Variants in HTR2A observed in about 807,000 individuals in gnomAD.
HTR2A encodes the protein 5-hydroxytryptamine receptor 2A.
In HTR2A, 14 loss-of-function variants were observed where a neutral mutation model predicts 31.0. The observed-to-expected ratio is 0.45, with a 90% CI of 0.30 to 0.71. HTR2A has a LOEUF of 0.71. HTR2A is among the 30% of genes least tolerant of loss of function. The pLI is 0.09. For missense variants in HTR2A, 442 were observed against 573.3 expected (o/e 0.77, Z 2.34); for synonymous variants, 209 against 225.2 (o/e 0.93, Z 0.64).
intron 3 of HTR2A, among the ~76,000 whole-genome samples, chr13:46,864,343 T>G (rs1409869720): frequency 6.6e-6 from 1 of 152,110 alleles, no homozygotes; most frequent in Non-Finnish European, 1.5e-5. Context: ...TACAACAAAC[T>G]TGTGCCATGA....
At chr13:46,850,325 C>A (rs2138198429) in intron 3 of HTR2A, among the ~76,000 whole-genome samples, 2 of 152,294 alleles carry the variant, frequency 1.3e-5, no homozygotes, top group Admixed American at 1.3e-4. Context: ...ATCCTAAGTG[C>A]TTTATACAGA....
chr13:46,842,049 G>A (rs149100200), intron 3 of HTR2A, among the ~76,000 whole-genome samples: 36 of 152,134 alleles, frequency 2.4e-4, no homozygotes, highest in African/African-American at 7.5e-4. Context: ...TGTAGGCATC[G>A]ACCAAAATAT....
At chr13:46,836,518 C>T (rs1055943533) in intron 3 of HTR2A, among the ~76,000 whole-genome samples, 3 of 152,046 alleles carry the variant, frequency 2.0e-5, no homozygotes, top group African/African-American at 7.2e-5. Flanking sequence ...TTGAGAAATA[C>T]AATTTTCTAA....
intron 3 of HTR2A, among the ~76,000 whole-genome samples, chr13:46,840,118 T>C (rs756965074): frequency 9.2e-5 from 14 of 152,178 alleles, no homozygotes; most frequent in Non-Finnish European, 1.8e-4. Flanking sequence ...TTCCCCAAAC[T>C]GCTACCTTTT....
intron 3 of HTR2A, among the ~76,000 whole-genome samples, chr13:46,837,977 T>C (rs1200003780): frequency 6.6e-6 from 1 of 152,230 alleles, no homozygotes; most frequent in East Asian, 1.9e-4. Flanking sequence ...CATCCCTCTC[T>C]GTTCCTGGCC....
chr13:46,855,447 C>T (rs1396542300), intron 3 of HTR2A, among the ~76,000 whole-genome samples: 1 of 152,150 alleles, frequency 6.6e-6, no homozygotes. Context: ...AAATCAATCT[C>T]ACTGGGTAGC....
chr13:46,860,473 C>T (rs1171329074), intron 3 of HTR2A, among the ~76,000 whole-genome samples: 1 of 152,088 alleles, frequency 6.6e-6, no homozygotes, highest in Non-Finnish European at 1.5e-5. Context: ...GGGAGGATTG[C>T]AGAACAATCA....
intron 3 of HTR2A, among the ~76,000 whole-genome samples, chr13:46,881,361 C>T (rs1004862386): frequency 3.9e-5 from 6 of 152,194 alleles, no homozygotes; most frequent in South Asian, 2.1e-4. Context: ...GAGACAGTAG[C>T]ACTTTCTCTC....
intron 3 of HTR2A, among the ~76,000 whole-genome samples, chr13:46,872,637 G>A (rs988012868): frequency 6.6e-6 from 1 of 152,096 alleles, no homozygotes; most frequent in Non-Finnish European, 1.5e-5. Context: ...GTGCAAAAAG[G>A]ACACATGAAA....
chr13:46,853,680 G>C (rs573455601), intron 3 of HTR2A, among the ~76,000 whole-genome samples: 8 of 152,118 alleles, frequency 5.3e-5, no homozygotes, highest in Non-Finnish European at 1.2e-4. Context: ...GCCCTGCCAT[G>C]GTCACTGGGT....
At chr13:46,892,346 G>A in intron 3 of HTR2A, 44 bp downstream of exon 3, 3 of 1,562,372 alleles carry the variant, frequency 1.9e-6, no homozygotes, top group Non-Finnish European at 2.6e-6. Flanking sequence ...CAGAAAGCAC[G>A]AACTGTCATT....
Position 46,862,433 on chromosome 13 carries a change from G to A in HTR2A, c.614-26794C>T, listed in dbSNP as rs899653103. 2.4e-4 allele frequency among the ~76,000 whole-genome samples: 36 copies of A among 152,302 alleles called. No homozygotes were observed. The East Asian group carries it at 6.7e-3, about 29-fold the overall frequency. Reference sequence around the variant, plus strand: ...TGGAAATGAATGTATTAGGGAATCTGTTATATTTTGCTATCAAGGTTAATA... The same window carrying A: ...TGGAAATGAATGTATTAGGGAATCTATTATATTTTGCTATCAAGGTTAATA... On this transcript the variant is annotated intron_variant, in intron 3 of 3. Transcript: ENST00000542664.
At position 46,895,183 on chromosome 13, in the gene HTR2A, G is replaced by A; in HGVS notation, c.412+312C>T. The stretch of plus-strand genomic sequence containing the variant: ...AAGTTATTGGTTTATGACTGTATGG[G>A]GTAATTTATAAAAATTTCTACATTA... On this transcript the variant is annotated intron_variant, in intron 2 of 3. Transcript: ENST00000542664. The surrounding 1 kb of genome is among the most constrained non-coding windows in gnomAD (Gnocchi z 4.4). 3.7e-6 allele frequency: 1 copy of A among 268,546 alleles called. No individual in the cohort carries two copies. Among genetic ancestry groups the A allele is most frequent in the Non-Finnish European group, 7.1e-6 (1 of 140,952 alleles). 16.6% of individuals were successfully genotyped at this position (268,546 alleles called of 1,614,324 possible).
chr13:46,841,907 C>A (rs75907607), intron 3 of HTR2A, among the ~76,000 whole-genome samples: 108 of 152,048 alleles, frequency 7.1e-4, no homozygotes, highest in Non-Finnish European at 1.2e-3. Flanking sequence ...ATTACAAAAC[C>A]CAAAGAGAAT....
At chr13:46,867,290 G>A (rs1950825030) in intron 3 of HTR2A, among the ~76,000 whole-genome samples, 1 of 152,206 alleles carries the variant, frequency 6.6e-6, no homozygotes, top group Non-Finnish European at 1.5e-5. Flanking sequence ...TGCCTACTAT[G>A]TGCTAGGTGC....
intron 3 of HTR2A, among the ~76,000 whole-genome samples, chr13:46,836,691 T>G (rs1458305810): frequency 6.6e-6 from 1 of 152,150 alleles, no homozygotes. Context: ...GTTTCATCCA[T>G]ATGTCCTCTG....
At position 46,834,869 on chromosome 13, in the gene HTR2A, C is replaced by T. The variant is rs774063354; in HGVS notation, c.1384G>A (p.Asp462Asn). Residue 462 changes from aspartate (D) to asparagine (N), a missense_variant, in exon 4 of 4, where the codon GAC (aspartate) becomes AAC (asparagine). Coordinates refer to ENST00000542664, the MANE Select transcript of HTR2A (RefSeq NM_000621.5). ...HSEEASKDNS[D>N]GVNEKVSCV ...CAGCTCACCTTTTCATTCACTCCGT[C>T]GCTATTGTCTTTAGAAGCCTCTTCA... 9.9e-6 allele frequency: 16 copies of T among 1,613,516 alleles called. No homozygotes were observed. The highest frequency in any genetic ancestry group is 7.7e-5 in the South Asian group (7 of 91,054).
chr13:46,865,409 G>T (rs554277351), intron 3 of HTR2A, among the ~76,000 whole-genome samples: 1 of 141,308 alleles, frequency 7.1e-6, no homozygotes, highest in Non-Finnish European at 1.5e-5. Flanking sequence ...AGGACAAAAT[G>T]AAGCAATGAC....
At chr13:46,844,067 A>T (rs1950621600) in intron 3 of HTR2A, among the ~76,000 whole-genome samples, 1 of 152,232 alleles carries the variant, frequency 6.6e-6, no homozygotes, top group Non-Finnish European at 1.5e-5. Flanking sequence ...ACACCTCCAT[A>T]AATAAATTAT....
Sources: allele counts gnomAD v4.1 joint callset (sites outside exome capture counted in the v4.1 genomes callset), GRCh38; gene constraint gnomAD v4.1.1; non-coding constraint Gnocchi (gnomAD v3.1); transcripts MANE v1.5; gene names NCBI Gene and HGNC (gene_info 2026-07-23, HGNC 2026-07-21).